PSD2: variants seen among roughly 807,000 people sequenced by gnomAD.
PSD2 encodes the protein PH and SEC7 domain-containing protein 2.
A neutral mutation model predicts 69.8 loss-of-function variants in PSD2; 38 were observed. The observed-to-expected ratio is 0.54, with a 90% confidence interval of 0.42 to 0.71. The LOEUF (loss-of-function observed/expected upper bound fraction) is 0.71. PSD2 is among the 30% of genes least tolerant of loss of function. The pLI is 0.00. For missense variants in PSD2, 943 were observed against 1,014.5 expected, an observed-to-expected ratio of 0.93 and a Z score of 0.96; for synonymous variants, 412 against 423.0, an observed-to-expected ratio of 0.97 and a Z score of 0.32.
At chr5:139,745,867 A>T in the PSD2 span, among the ~76,000 whole-genome samples, 1 of 152,126 alleles carries the variant, frequency 6.6e-6, no homozygotes, top group Non-Finnish European at 1.5e-5. Flanking sequence ...TACCACCCAC[A>T]CTGTCCGGTC....
chr5:139,775,237 T>C, the PSD2 span: 2 of 151,742 alleles, frequency 1.3e-5, no homozygotes, highest in Non-Finnish European at 2.9e-5. Context: ...GACGCAGGAG[T>C]GTTGGGGCAC....
chr5:139,829,671 T>C (rs1448887076), intron 7 of PSD2, among the ~76,000 whole-genome samples: 1 of 152,248 alleles, frequency 6.6e-6, no homozygotes, highest in Admixed American at 6.5e-5. Flanking sequence ...TAGTAGTTCA[T>C]TTTTTATGGC....
At chr5:139,779,350 A>G in the PSD2 span, among the ~76,000 whole-genome samples, 1 of 152,170 alleles carries the variant, frequency 6.6e-6, no homozygotes, top group South Asian at 2.1e-4. Flanking sequence ...ACACCTACGT[A>G]GCCACCCCCC....
chr5:139,774,448 G>T, the PSD2 span, among the ~76,000 whole-genome samples: 2 of 152,176 alleles, frequency 1.3e-5, no homozygotes, highest in African/African-American at 4.8e-5. Flanking sequence ...AGGTGGGCAG[G>T]GCTGGCCGAT....
chr5:139,789,124 G>A, the PSD2 span, among the ~76,000 whole-genome samples: 2 of 152,180 alleles, frequency 1.3e-5, no homozygotes, highest in East Asian at 1.9e-4. Flanking sequence ...TCAGGGTTGC[G>A]GCCCAGGCAT....
At chr5:139,748,017 A>G in the PSD2 span, among the ~76,000 whole-genome samples, 1 of 152,204 alleles carries the variant, frequency 6.6e-6, no homozygotes, top group East Asian at 1.9e-4. Flanking sequence ...GGAGGCGGTA[A>G]TGAGGTCACC....
At chr5:139,757,911 C>T in the PSD2 span, among the ~76,000 whole-genome samples, 1 of 152,172 alleles carries the variant, frequency 6.6e-6, no homozygotes, top group Non-Finnish European at 1.5e-5. Context: ...CACGGTGACT[C>T]ATGCCTGTAG....
chr5:139,802,616 C>T (rs2126926172), intron 1 of PSD2, among the ~76,000 whole-genome samples: 1 of 151,986 alleles, frequency 6.6e-6, no homozygotes, highest in East Asian at 1.9e-4. Flanking sequence ...ACAGCTTAGT[C>T]CTTTGTGGTT....
At chr5:139,759,896 G>T in the PSD2 span, among the ~76,000 whole-genome samples, 4 of 152,236 alleles carry the variant, frequency 2.6e-5, no homozygotes, top group African/African-American at 9.6e-5. Flanking sequence ...AGAACTGATA[G>T]GGAGAGTGTT....
the PSD2 span, among the ~76,000 whole-genome samples, chr5:139,765,427 G>T: frequency 6.6e-6 from 1 of 152,140 alleles, no homozygotes; most frequent in Non-Finnish European, 1.5e-5. Context: ...AATCGGCCCA[G>T]TACCCTGCAC....
chr5:139,767,488 T>C, the PSD2 span, among the ~76,000 whole-genome samples: 286 of 152,244 alleles, frequency 1.9e-3, 1 homozygote, highest in African/African-American at 6.3e-3. Context: ...CTAATTTTTG[T>C]ATTTTTAGTA....
At chr5:139,743,435 G>C in the PSD2 span, among the ~76,000 whole-genome samples, 1 of 152,216 alleles carries the variant, frequency 6.6e-6, no homozygotes, top group Non-Finnish European at 1.5e-5. Context: ...GGGGTGGAAT[G>C]TGTGTTTGGT....
chr5:139,751,244 G>T, the PSD2 span, among the ~76,000 whole-genome samples: 1 of 152,148 alleles, frequency 6.6e-6, no homozygotes, highest in African/African-American at 2.4e-5. Context: ...AGCACCTCCT[G>T]CCTGAGAGGG....
At chr5:139,801,587 C>T (rs759962334) in intron 1 of PSD2, among the ~76,000 whole-genome samples, 3 of 152,080 alleles carry the variant, frequency 2.0e-5, no homozygotes, top group Non-Finnish European at 1.5e-5. Flanking sequence ...TGCACAGGCT[C>T]TCTCCCCCAT....
intron 7 of PSD2, among the ~76,000 whole-genome samples, chr5:139,825,752 C>T (rs771198098): frequency 7.9e-5 from 12 of 152,122 alleles, no homozygotes; most frequent in Admixed American, 2.6e-4. Flanking sequence ...TGCCTCTAGA[C>T]ATCAGTGCGG....
At chr5:139,750,337 AC>A in the PSD2 span, among the ~76,000 whole-genome samples, 13 of 152,222 alleles carry the variant, frequency 8.5e-5, no homozygotes, top group South Asian at 4.1e-4. Context: ...AAACAAAAAA[AC>A]AAAACAAAAA....
chr5:139,825,024 G>C (rs1760380395), intron 7 of PSD2, among the ~76,000 whole-genome samples: 1 of 152,212 alleles, frequency 6.6e-6, no homozygotes, highest in African/African-American at 2.4e-5. Context: ...GATTTGTGTA[G>C]AAGAGGCGCT....
At chr5:139,788,148 C>T in the PSD2 span, among the ~76,000 whole-genome samples, 3 of 151,834 alleles carry the variant, frequency 2.0e-5, no homozygotes, top group Admixed American at 2.0e-4. Flanking sequence ...GTCTGGCCAG[C>T]AGAGGGAGGC....
rs759975400 is a variant in PSD2, at chr5:139,809,588, C to T, written c.148C>T (p.Arg50Ter). The change falls in exon 2 of 15, where the codon CGA becomes TGA. Residue 50 changes from arginine (R) to a stop codon, truncating the protein, a stop_gained. Coordinates refer to ENST00000274710, the MANE Select transcript of PSD2 (RefSeq NM_032289.4). LOFTEE classifies it high-confidence loss of function. ...CAGCCTCTGCAGCCCAGGGCACGAG[C>T]GAAGGGGCACCCCAGCGGACACTGA... is the stretch of plus-strand genomic sequence containing the variant. ...NSSLCSPGHERRGTPADTEEP... is the reference protein window; with the variant it reads ...NSSLCSPGHE The T allele has an allele frequency of 7.4e-6, 12 of 1,614,238 alleles. No individual in the cohort carries two copies. Among genetic ancestry groups the T allele is most frequent in the Non-Finnish European group, 7.6e-6 (9 of 1,180,026 alleles).
Sources: allele counts gnomAD v4.1 joint callset (sites outside exome capture counted in the v4.1 genomes callset), GRCh38; gene constraint gnomAD v4.1.1; transcripts MANE v1.5; gene names NCBI Gene and HGNC (gene_info 2026-07-23, HGNC 2026-07-21).